Variants in AP5S1 observed in about 807,000 individuals in gnomAD.
The protein encoded by AP5S1 is adaptor related protein complex 5 subunit sigma 1.
Under a neutral mutation model 13.9 loss-of-function variants are expected in AP5S1, and 13 were observed. The ratio of observed to expected loss-of-function variants is 0.94; its 90% confidence interval spans 0.61 to 1.49. The LOEUF (loss-of-function observed/expected upper bound fraction) is 1.49. Among genes scored for constraint, AP5S1 ranks in the 40% most tolerant of loss-of-function variants. AP5S1 has a pLI of 0.00. For missense variants in AP5S1, 292 were observed against 272.3 expected (o/e 1.07, Z -0.51); for synonymous variants, 132 against 121.8 (o/e 1.08, Z -0.55).
rs777244137 is a variant in AP5S1 at position 3,824,283 on chromosome 20, G to A, written c.589G>A (p.Ala197Thr). The A allele has an allele frequency of 1.7e-5, 28 of 1,611,870 alleles. No individual in the cohort carries two copies. The highest frequency in any genetic ancestry group is 1.3e-4 in the African/African-American group (10 of 74,924). ...AGGCCTGGAGAAGGAATTCAGTGCC[G>A]CTTGGCCCCGCTGATTCCTCGTTGG... Reference protein sequence around the residue: ...VQGLEKEFSAAWPR With the variant: ...VQGLEKEFSATWPR The change falls in exon 3 of 3, where the codon GCT becomes ACT. Residue 197 changes from alanine to threonine, a missense_variant. Coordinates refer to ENST00000615891, the MANE Select transcript of AP5S1 (RefSeq NM_018347.3).
rs1362469274 is a variant in AP5S1 at position 3,825,882 on chromosome 20, G to T, written c.*1585G>T. On this transcript the variant is annotated 3_prime_UTR_variant, in exon 3 of 3. Coordinates refer to ENST00000615891, the MANE Select transcript of AP5S1 (RefSeq NM_018347.3). ...GCCTGCACCATGTTGAGTCCCAAAG[G>T]GATATGGGTGGGGTACCAAAAGTCG... 1 of 148,128 alleles carries T rather than the reference G, an allele frequency of 6.8e-6. No individual in the cohort carries two copies. The highest frequency in any genetic ancestry group is 7.0e-5 in the Admixed American group (1 of 14,258). The allele number at this position is 148,128 out of a possible 1,614,324, so 9.2% of individuals were successfully genotyped here.
rs941895697 is a variant in AP5S1 at position 3,824,031 on chromosome 20, G to A, written c.337G>A (p.Val113Met). The A allele has an allele frequency of 3.7e-6, 6 of 1,613,632 alleles. No individual in the cohort carries two copies. In the Admixed American group the frequency reaches 8.3e-5, roughly 22 times the overall value. ...CCCTTTCCAGGAGCCACGGACGGTG[G>A]TGTGGCTGGGCGTGCTCTCGTTAGG... ...ENPFQEPRTV[V>M]WLGVLSLGFA... Residue 113 changes from valine to methionine, a missense_variant, in exon 3 of 3, where the codon GTG becomes ATG. Coordinates refer to ENST00000615891, the MANE Select transcript of AP5S1 (RefSeq NM_018347.3).
chr20:3,823,192 C>T (rs1382955797), intron 2 of AP5S1, among the ~76,000 whole-genome samples: 1 of 152,170 alleles, frequency 6.6e-6, no homozygotes, highest in East Asian at 1.9e-4. Flanking sequence ...GAGAGGGTTG[C>T]AGGATAGGGT....
chr20:3,822,137 T>C lies in AP5S1; in HGVS notation c.20T>C (p.Ile7Thr). 1 of 1,613,996 alleles carries C rather than the reference T, an allele frequency of 6.2e-7. No individual in the cohort carries two copies. The highest frequency in any genetic ancestry group is 8.5e-7 in the Non-Finnish European group (1 of 1,179,970). The change falls in exon 2 of 3, where the codon ATT (isoleucine) becomes ACT (threonine). Residue 7 changes from isoleucine to threonine, a missense_variant. Physicochemically the swap from Ile to Thr is moderately conservative, Grantham distance 89. Coordinates refer to ENST00000615891, the MANE Select transcript of AP5S1 (RefSeq NM_018347.3). MVHAFL[I>T]HTLRAPNTED... ...GGAGCCATGGTCCACGCCTTCCTCA[T>C]TCACACCTTGAGGGCCCCGAATACT...
Position 3,824,315 on chromosome 20 carries a change from G to T in AP5S1, c.*18G>T. 1 of 1,599,360 alleles carries T rather than the reference G, an allele frequency of 6.3e-7. No homozygotes were observed. The highest frequency in any genetic ancestry group is 8.5e-7 in the Non-Finnish European group (1 of 1,170,478). ...CCCGCTGATTCCTCGTTGGGATGGT[G>T]CTTCTGAGGGCAGGCAGAGGGTAGA... On this transcript the variant is annotated 3_prime_UTR_variant, in exon 3 of 3. Coordinates refer to ENST00000615891, the MANE Select transcript of AP5S1 (RefSeq NM_018347.3).
In AP5S1 at chr20:3,822,246, C is replaced by T. The variant is rs142346837; in HGVS notation, c.129C>T (p.Ala43=). 5.5e-5 allele frequency: 89 copies of T among 1,614,034 alleles called. No individual in the cohort carries two copies. The highest frequency in any genetic ancestry group is 7.2e-5 in the Non-Finnish European group (85 of 1,180,042). ...KSPDDPRPHG[A]ERDRLLRKEQ... ...CTGATGACCCACGGCCGCATGGTGC[C>T]GAGAGGGACAGGCTTCTCCGGAAGG... The change falls in exon 2 of 3, where the codon GCC becomes GCT. Residue 43 remains alanine (A), a synonymous_variant. Transcript: ENST00000615891.
In AP5S1 at chr20:3,823,978, G is replaced by C; in HGVS notation, c.284G>C (p.Arg95Pro). The C allele has an allele frequency of 1.9e-6, 3 of 1,611,960 alleles. No individual in the cohort carries two copies. Among genetic ancestry groups the C allele is most frequent in the Non-Finnish European group, 2.5e-6 (3 of 1,180,020 alleles). Residue 95 changes from arginine to proline, a missense_variant, in exon 3 of 3, where the codon CGT (arginine) becomes CCT (proline). Arg to Pro is a moderately radical substitution (Grantham distance 103). Transcript: ENST00000615891. ...DEQVPLHEAP[R>P]GAFRLAAENP... Reference sequence around the variant, plus strand: ...CAAGTGCCGCTGCACGAGGCCCCACGTGGGGCTTTCCGCCTGGCAGCAGAG... The same window carrying C: ...CAAGTGCCGCTGCACGAGGCCCCACCTGGGGCTTTCCGCCTGGCAGCAGAG...
rs1168677573 is a variant in AP5S1 at position 3,828,195 on chromosome 20, C to T, written c.*3898C>T. 3 of 152,156 alleles carry T rather than the reference C, an allele frequency of 2.0e-5. No individual in the cohort carries two copies. The highest frequency in any genetic ancestry group is 2.9e-5 in the Non-Finnish European group (2 of 68,040). The allele number at this position is 152,156 out of a possible 1,614,324, so 9.4% of individuals were successfully genotyped here. On this transcript the variant is annotated 3_prime_UTR_variant, in exon 3 of 3. Transcript: ENST00000615891. ...TTACTGCAATTCAAGTGGCCGTGAC[C>T]GTTTTCTTAAATATACTTTATTTGT...
chr20:3,822,555 TTA>T (rs1033371209), intron 2 of AP5S1, among the ~76,000 whole-genome samples: 10 of 152,230 alleles, frequency 6.6e-5, no homozygotes, highest in African/African-American at 2.4e-4. Flanking sequence ...TCTGAACATC[TTA>T]TATATATTAA....
At chr20:3,821,284 C>T (rs1443276077) in intron 1 of AP5S1, among the ~76,000 whole-genome samples, 2 of 152,178 alleles carry the variant, frequency 1.3e-5, no homozygotes, top group Non-Finnish European at 2.9e-5. Flanking sequence ...TTGGTCAAGA[C>T]TTTTTCTGAC....
Position 3,824,531 on chromosome 20 carries a change from C to T in AP5S1, c.*234C>T, listed in dbSNP as rs2089610893. 1 of 568,286 alleles carries T rather than the reference C, an allele frequency of 1.8e-6. No individual in the cohort carries two copies. Among genetic ancestry groups the T allele is most frequent in the Non-Finnish European group, 3.1e-6 (1 of 321,340 alleles). 35.2% of individuals were successfully genotyped at this position (568,286 alleles called of 1,614,324 possible). A position where few individuals can be genotyped will look rare whatever the true frequency, so the allele number is the denominator to read the frequency against. On this transcript the variant is annotated 3_prime_UTR_variant, in exon 3 of 3. Transcript: ENST00000615891. ...TAGAGCTGCTGTGTTACTTAGACCGCTGCCGTGCGGCAGCCACGCTTGTCC... is the reference window on the plus strand; with the variant it reads ...TAGAGCTGCTGTGTTACTTAGACCGTTGCCGTGCGGCAGCCACGCTTGTCC...
At chr20:3,823,812 C>A in intron 2 of AP5S1, 59 bp from the exon 3 acceptor site, 1 of 1,553,876 alleles carries the variant, frequency 6.4e-7, no homozygotes, top group South Asian at 1.2e-5. Flanking sequence ...CAGGGTTGAT[C>A]ATGAGGATGA....
Position 3,823,967 on chromosome 20 carries a change from C to T in AP5S1, c.273C>T (p.His91=), listed in dbSNP as rs1425481414. The T allele has an allele frequency of 8.1e-6, 13 of 1,610,694 alleles. No individual in the cohort carries two copies. The highest frequency in any genetic ancestry group is 1.7e-4 in the Middle Eastern group (1 of 6,060). The change falls in exon 3 of 3, where the codon CAC becomes CAT. Residue 91 remains histidine, a synonymous_variant. Transcript: ENST00000615891. ...PQSSDEQVPL[H]EAPRGAFRLA... ...CCTCAGATGAGCAAGTGCCGCTGCACGAGGCCCCACGTGGGGCTTTCCGCC... is the reference window on the plus strand; with the variant it reads ...CCTCAGATGAGCAAGTGCCGCTGCATGAGGCCCCACGTGGGGCTTTCCGCC...
At position 3,822,200 on chromosome 20, in the gene AP5S1, T is replaced by C; in HGVS notation, c.83T>C (p.Val28Ala). ...TGLCRVLYSC[V>A]FGAEKSPDDP... ...CTTTGCCGAGTGCTGTACTCCTGCG[T>C]CTTCGGTGCTGAGAAGTCACCTGAT... The change falls in exon 2 of 3, where the codon GTC becomes GCC. Residue 28 changes from valine (V) to alanine (A), a missense_variant. Val to Ala is a moderately conservative substitution (Grantham distance 64). Coordinates refer to ENST00000615891, the MANE Select transcript of AP5S1 (RefSeq NM_018347.3). 6.2e-7 allele frequency: 1 copy of C among 1,614,202 alleles called. No individual in the cohort carries two copies. The highest frequency in any genetic ancestry group is 8.5e-7 in the Non-Finnish European group (1 of 1,180,022).
chr20:3,826,205 C>G lies in AP5S1; in HGVS notation c.*1908C>G, dbSNP rs1227097885. On this transcript the variant is annotated 3_prime_UTR_variant, in exon 3 of 3. Coordinates refer to ENST00000615891, the MANE Select transcript of AP5S1 (RefSeq NM_018347.3). ...AAGGCCACCAGCCATGCCAGGCCTT[C>G]TACCACCACTGTCAACATAATTGGG... The G allele has an allele frequency of 6.6e-6, 1 of 152,352 alleles. No individual in the cohort carries two copies. The highest frequency in any genetic ancestry group is 1.5e-5 in the Non-Finnish European group (1 of 68,134). The allele number at this position is 152,352 out of a possible 1,614,324, so 9.4% of individuals were successfully genotyped here.
rs976144395 is a variant in AP5S1, at chr20:3,826,573, G to A, written c.*2276G>A. On this transcript the variant is annotated 3_prime_UTR_variant, in exon 3 of 3. Coordinates refer to ENST00000615891, the MANE Select transcript of AP5S1 (RefSeq NM_018347.3). ...GGGAGCTGTGGGAAGTTGAGGTTAG[G>A]CGTGGCTGGTGGCCTGGTTCTCATG... The A allele has an allele frequency of 6.6e-6, 1 of 152,214 alleles. No individual in the cohort carries two copies. The highest frequency in any genetic ancestry group is 1.5e-5 in the Non-Finnish European group (1 of 68,094). The allele number at this position is 152,214 out of a possible 1,614,324, so 9.4% of individuals were successfully genotyped here.
chr20:3,823,695 C>A, intron 2 of AP5S1, 176 bp from the exon 3 acceptor site: 1 of 985,410 alleles, frequency 1.0e-6, no homozygotes, highest in Non-Finnish European at 1.2e-6. Context: ...TGGTTCAGGA[C>A]CTGGAGGCTC....
At position 3,826,046 on chromosome 20, in the gene AP5S1, T is replaced by G. The variant is rs1190514397; in HGVS notation, c.*1749T>G. ...TGTTACCAAGGAAGGTGAGGCTTTC[T>G]TGGCAGAACGAGCCTCCTAGGTGCT... On this transcript the variant is annotated 3_prime_UTR_variant, in exon 3 of 3. Coordinates refer to ENST00000615891, the MANE Select transcript of AP5S1 (RefSeq NM_018347.3). 6.6e-6 allele frequency: 1 copy of G among 152,100 alleles called. No homozygotes were observed. Among genetic ancestry groups the G allele is most frequent in the Non-Finnish European group, 1.5e-5 (1 of 68,016 alleles). The allele number at this position is 152,100 out of a possible 1,614,324, so 9.4% of individuals were successfully genotyped here.
rs527734279 is a variant in AP5S1 at position 3,824,107 on chromosome 20, C to T, written c.413C>T (p.Thr138Met). 32 of 1,613,952 alleles carry T rather than the reference C, an allele frequency of 2.0e-5. No individual in the cohort carries two copies. The highest frequency in any genetic ancestry group is 3.3e-4 in the Middle Eastern group (2 of 6,062). ...GAGAACCTGCTACTGGCTGAGGGCACGCTCCGGCTGCTGACACGCCTCCTC... is the reference window on the plus strand; with the variant it reads ...GAGAACCTGCTACTGGCTGAGGGCATGCTCCGGCTGCTGACACGCCTCCTC... Reference protein sequence around the residue: ...AHENLLLAEGTLRLLTRLLLD... With the variant: ...AHENLLLAEGMLRLLTRLLLD... The change falls in exon 3 of 3, where the codon ACG becomes ATG. Residue 138 changes from threonine (T) to methionine (M), a missense_variant. Physicochemically the swap from Thr to Met is moderately conservative, Grantham distance 81. Coordinates refer to ENST00000615891, the MANE Select transcript of AP5S1 (RefSeq NM_018347.3).
Sources: gnomAD v4.1 joint callset for allele counts (sites outside exome capture counted in the v4.1 genomes callset) on GRCh38, gnomAD v4.1.1 for gene constraint, MANE v1.5 for transcripts, NCBI Gene and HGNC (gene_info 2026-07-23, HGNC 2026-07-21) for gene names.